LRP1B: variants seen among roughly 807,000 people sequenced by gnomAD.
LRP1B encodes the protein LDL receptor related protein 1B, also known as low-density lipoprotein receptor-related protein 1B.
A neutral mutation model predicts 556.6 loss-of-function variants in LRP1B; 217 were observed. That is an observed-to-expected ratio of 0.39 (90% CI 0.35 to 0.44). LRP1B has a LOEUF of 0.44. Ranked by LOEUF, LRP1B falls within the 20% of genes least tolerant of loss-of-function variation. The pLI is 1.00. For synonymous variants in LRP1B, 2,047 were observed against 1,865.8 expected, an observed-to-expected ratio of 1.10 and a Z score of -2.50; for missense variants, 5,053 against 5,620.8, an observed-to-expected ratio of 0.90 and a Z score of 3.23.
chr2:140,958,827 C>T (rs556006763), intron 18 of LRP1B, among the ~76,000 whole-genome samples: 20 of 151,604 alleles, frequency 1.3e-4, no homozygotes, highest in Admixed American at 1.3e-4. Context: ...ACCACCCCCA[C>T]TGAAAAAATA....
chr2:141,507,233 C>T (rs1483802178), intron 2 of LRP1B, among the ~76,000 whole-genome samples: 2 of 152,006 alleles, frequency 1.3e-5, no homozygotes, highest in Non-Finnish European at 2.9e-5. Flanking sequence ...ACATACATTA[C>T]AGAAATATAA....
intron 2 of LRP1B, among the ~76,000 whole-genome samples, chr2:141,739,697 A>G (rs1196245485): frequency 6.8e-6 from 1 of 146,636 alleles, no homozygotes; most frequent in African/African-American, 2.5e-5. Context: ...TTTTTTTGCC[A>G]CCATTAATAT....
intron 74 of LRP1B, 136 bp downstream of exon 74, chr2:140,357,843 G>A: frequency 1.0e-6 from 1 of 994,410 alleles, no homozygotes; most frequent in Non-Finnish European, 1.4e-6. Flanking sequence ...TGTTGCTTTG[G>A]CAAAGGTTTT....
At chr2:140,453,518 A>G (rs1686965871) in intron 62 of LRP1B, among the ~76,000 whole-genome samples, 1 of 152,208 alleles carries the variant, frequency 6.6e-6, no homozygotes, top group Non-Finnish European at 1.5e-5. Flanking sequence ...ATCACCCACA[A>G]GTAAAAGCTA....
At chr2:140,866,298 T>C (rs1383259854) in intron 27 of LRP1B, among the ~76,000 whole-genome samples, 2 of 152,136 alleles carry the variant, frequency 1.3e-5, no homozygotes, top group Non-Finnish European at 2.9e-5. Context: ...GAAGCGTATT[T>C]TTTCATTATA....
At chr2:141,279,968 G>A (rs1685449963) in intron 3 of LRP1B, among the ~76,000 whole-genome samples, 1 of 151,984 alleles carries the variant, frequency 6.6e-6, no homozygotes, top group African/African-American at 2.4e-5. Flanking sequence ...ATAGACTGTG[G>A]GTCCCTTATC....
chr2:140,327,971 TAAAAG>T (rs1680581030), intron 79 of LRP1B, among the ~76,000 whole-genome samples: 2 of 152,020 alleles, frequency 1.3e-5, no homozygotes, highest in Non-Finnish European at 2.9e-5. Context: ...AGCCCTTTAA[TAAAAG>T]AGATAGTCTT....
intron 7 of LRP1B, among the ~76,000 whole-genome samples, chr2:141,166,365 TTC>T (rs1680256378): frequency 8.7e-6 from 1 of 114,300 alleles, no homozygotes; most frequent in Non-Finnish European, 2.2e-5. Flanking sequence ...TTCTCTCTCA[TTC>T]TTTTTTTTTT....
chr2:141,002,871 T>A (rs908824731), intron 15 of LRP1B, among the ~76,000 whole-genome samples: 1 of 151,996 alleles, frequency 6.6e-6, no homozygotes, highest in Non-Finnish European at 1.5e-5. Flanking sequence ...CATATTTTTA[T>A]TAAAAAAGGA....
chr2:141,889,349 A>C (rs1699213644), intron 1 of LRP1B, among the ~76,000 whole-genome samples: 1 of 152,158 alleles, frequency 6.6e-6, no homozygotes, highest in Non-Finnish European at 1.5e-5. Flanking sequence ...AATTATGATA[A>C]AGAATATCAG....
chr2:141,623,999 G>A (rs1165614429), intron 2 of LRP1B, among the ~76,000 whole-genome samples: 4 of 88,876 alleles, frequency 4.5e-5, no homozygotes, highest in Non-Finnish European at 6.3e-5. Flanking sequence ...CTGGGCAACA[G>A]AGCAGAACTC....
intron 2 of LRP1B, among the ~76,000 whole-genome samples, chr2:141,482,807 T>C (rs1682971925): frequency 6.6e-6 from 1 of 152,154 alleles, no homozygotes. Context: ...AGGCCAGTTA[T>C]ATTTAGACCT....
intron 1 of LRP1B, among the ~76,000 whole-genome samples, chr2:142,088,470 T>G (rs1180587629): frequency 6.6e-6 from 1 of 152,140 alleles, no homozygotes; most frequent in Non-Finnish European, 1.5e-5. Context: ...CTAGTTAATG[T>G]GAAATATAAT....
chr2:140,723,765 C>T (rs996799035), intron 35 of LRP1B, among the ~76,000 whole-genome samples: 19 of 152,140 alleles, frequency 1.2e-4, no homozygotes, highest in Admixed American at 1.0e-3. Flanking sequence ...AGATCTGGCA[C>T]CTAACTTGAG....
In LRP1B at chr2:140,492,765, A is replaced by G. The variant is rs1688756939; in HGVS notation, c.9035-72T>C. ...TTTCCCCTTTGCATAATTTCAGTTTAGTTTAGCAGCAATGTGATTTCAAAT... is the reference window on the plus strand; with the variant it reads ...TTTCCCCTTTGCATAATTTCAGTTTGGTTTAGCAGCAATGTGATTTCAAAT... On this transcript the variant is annotated intron_variant, in intron 56 of 90. Transcript: ENST00000389484. 8 of 1,079,466 alleles carry G rather than the reference A, an allele frequency of 7.4e-6. No individual in the cohort carries two copies. In the South Asian group the frequency reaches 7.8e-5, roughly 10 times the overall value. 66.9% of individuals were successfully genotyped at this position (1,079,466 alleles called of 1,614,324 possible).
At chr2:142,007,587 C>T (rs2105148324) in intron 1 of LRP1B, among the ~76,000 whole-genome samples, 1 of 152,248 alleles carries the variant, frequency 6.6e-6, no homozygotes, top group South Asian at 2.1e-4. Flanking sequence ...TTTTTTCTAC[C>T]TCTGACAGCT....
chr2:140,857,531 T>A (rs1692656004), intron 27 of LRP1B, among the ~76,000 whole-genome samples: 1 of 152,146 alleles, frequency 6.6e-6, no homozygotes, highest in South Asian at 2.1e-4. Flanking sequence ...TTGAGTGAAT[T>A]CCTTATTTAA....
intron 41 of LRP1B, among the ~76,000 whole-genome samples, chr2:140,626,495 T>A (rs1282732198): frequency 1.3e-5 from 2 of 152,130 alleles, no homozygotes; most frequent in Non-Finnish European, 2.9e-5. Flanking sequence ...TACTTTTTAT[T>A]TACTCAATTT....
At chr2:140,884,489 T>A (rs146032917) in intron 24 of LRP1B, among the ~76,000 whole-genome samples, 81 of 152,282 alleles carry the variant, frequency 5.3e-4, no homozygotes, top group African/African-American at 1.9e-3. Flanking sequence ...TCACTCTTTT[T>A]CTCTTTTTAG....
Sources: allele counts gnomAD v4.1 joint callset (sites outside exome capture counted in the v4.1 genomes callset), GRCh38; gene constraint gnomAD v4.1.1; transcripts MANE v1.5; gene names NCBI Gene and HGNC (gene_info 2026-07-23, HGNC 2026-07-21).